Variants in SAMD12 observed in about 807,000 individuals in gnomAD.
SAMD12 encodes the protein sterile alpha motif domain-containing protein 12.
A neutral mutation model predicts 15.0 loss-of-function variants in SAMD12; 9 were observed. The observed-to-expected ratio is 0.60, with a 90% CI of 0.36 to 1.05. SAMD12 has a LOEUF of 1.05. SAMD12 is among the 50% of genes least tolerant of loss of function. The probability of loss-of-function intolerance (pLI) is 0.01; values close to 1 mark genes in which losing one functional copy is unlikely to be tolerated. For synonymous variants in SAMD12, 86 were observed against 90.1 expected, an observed-to-expected ratio of 0.96 and a Z score of 0.25; for missense variants, 230 against 234.2, an observed-to-expected ratio of 0.98 and a Z score of 0.12.
intron 3 of SAMD12, among the ~76,000 whole-genome samples, chr8:118,395,744 G>A (rs770700799): frequency 1.8e-4 from 28 of 152,098 alleles, no homozygotes; most frequent in Non-Finnish European, 3.8e-4. Flanking sequence ...GGATCATGAG[G>A]TCTGGAGATT....
At chr8:118,195,892 G>T (rs9886406) in exon 5 of SAMD12, 6,075 of 152,452 alleles carry the variant, frequency 0.04, 208 homozygotes, top group African/African-American at 0.085. Flanking sequence ...CTGGAATATT[G>T]TGTCCAAGGG....
intron 2 of SAMD12, among the ~76,000 whole-genome samples, chr8:118,575,049 G>A (rs1185361333): frequency 2.6e-5 from 4 of 152,068 alleles, no homozygotes; most frequent in African/African-American, 9.7e-5. Flanking sequence ...CAGATTAATG[G>A]TTCCTGCTTA....
chr8:118,339,479 A>G (rs1295639034), intron 4 of SAMD12, among the ~76,000 whole-genome samples: 1 of 152,202 alleles, frequency 6.6e-6, no homozygotes, highest in Non-Finnish European at 1.5e-5. Flanking sequence ...GCTGATTACA[A>G]TCAGGGCCTT....
the SAMD12 span, among the ~76,000 whole-genome samples, chr8:118,138,697 A>C: frequency 6.6e-6 from 1 of 152,256 alleles, no homozygotes; most frequent in Non-Finnish European, 1.5e-5. Context: ...TAAAATAGAA[A>C]AATAAGTGGT....
chr8:118,480,339 C>T (rs2515011), intron 2 of SAMD12, among the ~76,000 whole-genome samples: 19,675 of 152,208 alleles, frequency 0.13, 1,416 homozygotes, highest in East Asian at 0.28. Flanking sequence ...CTCCTTGCTA[C>T]TCCTTAGTAT....
chr8:118,212,891 C>A (rs1303893128), intron 4 of SAMD12, among the ~76,000 whole-genome samples: 1 of 152,062 alleles, frequency 6.6e-6, no homozygotes, highest in Non-Finnish European at 1.5e-5. Context: ...AAATATGAGA[C>A]AAGTTGGATC....
At chr8:118,212,229 G>A (rs10112097) in intron 4 of SAMD12, among the ~76,000 whole-genome samples, 76,667 of 151,688 alleles carry the variant, frequency 0.51, 20,939 homozygotes, top group Non-Finnish European at 0.62. Flanking sequence ...CAAACTCCTG[G>A]GCTCAAGTGA....
intron 2 of SAMD12, among the ~76,000 whole-genome samples, chr8:118,478,853 C>G (rs1388596307): frequency 6.6e-6 from 1 of 152,188 alleles, no homozygotes; most frequent in East Asian, 1.9e-4. Context: ...TAGAGAAGAG[C>G]TGACACTCCA....
At chr8:118,238,800 T>A (rs1348156481) in intron 4 of SAMD12, among the ~76,000 whole-genome samples, 1 of 152,132 alleles carries the variant, frequency 6.6e-6, no homozygotes, top group Non-Finnish European at 1.5e-5. Flanking sequence ...TGGTAACTCT[T>A]CCAAGGCCAC....
chr8:118,379,513 T>C lies in SAMD12; in HGVS notation c.510A>G (p.Arg170=), dbSNP rs1184622131. 1 of 1,613,876 alleles carries C rather than the reference T, an allele frequency of 6.2e-7. No individual in the cohort carries two copies. Among genetic ancestry groups the C allele is most frequent in the South Asian group, 1.1e-5 (1 of 91,080 alleles). ...PDGWMDGEIR[R]KTTLLLGQTG... is the part of the protein sequence containing the mutation. ...TCTGTCCTAATAGTAAGGTGGTCTT[T>C]CTTCTAATCTCCCCATCCATCCACC... Residue 170 remains arginine, a synonymous_variant, in exon 4 of 4, where the codon AGA becomes AGG. Transcript: ENST00000314727.
At chr8:118,485,979 G>A (rs1824265598) in intron 2 of SAMD12, among the ~76,000 whole-genome samples, 1 of 152,118 alleles carries the variant, frequency 6.6e-6, no homozygotes, top group African/African-American at 2.4e-5. Context: ...TTAACAGAAT[G>A]GCCCCCCACA....
chr8:118,160,925 T>C, the SAMD12 span, among the ~76,000 whole-genome samples: 1 of 152,320 alleles, frequency 6.6e-6, no homozygotes, highest in Admixed American at 6.5e-5. Flanking sequence ...GTATATCTCC[T>C]AATGCTATCC....
chr8:118,227,039 T>C (rs1812203796), intron 4 of SAMD12, among the ~76,000 whole-genome samples: 2 of 152,154 alleles, frequency 1.3e-5, no homozygotes, highest in Non-Finnish European at 2.9e-5. Flanking sequence ...AGAGTATAAA[T>C]AATTCTGCCA....
intron 2 of SAMD12, among the ~76,000 whole-genome samples, chr8:118,469,510 A>T (rs1232202798): frequency 0.093 from 10 of 108 alleles, no homozygotes; most frequent in Admixed American, 0.25. Context: ...TTTTTATATA[A>T]TATATAATAT....
the SAMD12 span, among the ~76,000 whole-genome samples, chr8:118,156,392 C>T: frequency 3.3e-5 from 5 of 152,054 alleles, no homozygotes; most frequent in Non-Finnish European, 7.4e-5. Context: ...GATGTTAATG[C>T]CATTTTCTGT....
downstream of SAMD12, among the ~76,000 whole-genome samples, chr8:118,186,427 G>A (rs192073342): frequency 1.3e-4 from 20 of 152,242 alleles, no homozygotes; most frequent in African/African-American, 4.8e-4. Flanking sequence ...TTGGCACACA[G>A]GACAAATGGC....
At chr8:118,191,018 T>C (rs1000122277) in exon 5 of SAMD12, 18 of 152,134 alleles carry the variant, frequency 1.2e-4, no homozygotes, top group Non-Finnish European at 1.6e-4. Context: ...TGTGCAAAGC[T>C]ATTTAATTTA....
chr8:118,504,897 C>T (rs1262304066), intron 2 of SAMD12, among the ~76,000 whole-genome samples: 1 of 152,194 alleles, frequency 6.6e-6, no homozygotes, highest in Non-Finnish European at 1.5e-5. Context: ...GCCACAAGCA[C>T]AGCAGGCCTG....
intron 4 of SAMD12, among the ~76,000 whole-genome samples, chr8:118,217,072 C>T (rs1025667725): frequency 4.5e-4 from 68 of 152,076 alleles, no homozygotes; most frequent in African/African-American, 1.5e-3. Context: ...GGTGCGATCT[C>T]GGCTCACTGC....
Sources: allele counts gnomAD v4.1 joint callset (sites outside exome capture counted in the v4.1 genomes callset), GRCh38; gene constraint gnomAD v4.1.1; transcripts MANE v1.5; gene names NCBI Gene and HGNC (gene_info 2026-07-23, HGNC 2026-07-21).